THRB: variants seen among roughly 807,000 people sequenced by gnomAD.
THRB encodes the protein thyroid hormone receptor beta, also known as nuclear receptor subfamily 1 group A member 2.
In THRB, 12 loss-of-function variants were observed where a neutral mutation model predicts 47.8. The ratio of observed to expected loss-of-function variants is 0.25; its 90% CI spans 0.16 to 0.41. The LOEUF is 0.41. Ranked by LOEUF, THRB falls within the 10% of genes least tolerant of loss-of-function variation. THRB has a pLI of 1.00. For missense variants in THRB, 348 were observed against 589.2 expected, an observed-to-expected ratio of 0.59 and a Z score of 4.24; for synonymous variants, 218 against 212.2, an observed-to-expected ratio of 1.03 and a Z score of -0.24.
intron 4 of THRB, 118 bp from the exon 5 acceptor site, chr3:24,190,452 G>T: frequency 7.9e-7 from 1 of 1,259,078 alleles, no homozygotes. Context: ...GTATTCACAT[G>T]CCACTTGACG....
Position 24,435,190 on chromosome 3 carries a change from G to A in THRB, c.-261+59462C>T, listed in dbSNP as rs1012914413. 2.0e-5 allele frequency among the ~76,000 whole-genome samples: 3 copies of A among 152,232 alleles called. 1 individual carries two copies. The highest frequency in any genetic ancestry group is 7.2e-5 in the African/African-American group (3 of 41,550). ...GGTGTATGGCAGCATCACTGGCCAT[G>A]CCATGAAAAACAAGGATGGAGGAAG... is the stretch of plus-strand genomic sequence containing the variant. On this transcript the variant is annotated intron_variant, in intron 1 of 10. Coordinates refer to ENST00000646209, the MANE Select transcript of THRB (RefSeq NM_001354712.2).
intron 1 of THRB, among the ~76,000 whole-genome samples, chr3:24,456,325 A>T (rs2073170200): frequency 6.6e-6 from 1 of 150,978 alleles, no homozygotes; most frequent in African/African-American, 2.4e-5. Context: ...ACAGTGTGAG[A>T]CCCTGTCTAA....
intron 1 of THRB, among the ~76,000 whole-genome samples, chr3:24,403,180 C>A (rs2067556589): frequency 6.6e-6 from 1 of 151,850 alleles, no homozygotes; most frequent in Admixed American, 6.6e-5. Context: ...AGAATGGAAT[C>A]ATTTATGTAA....
intron 3 of THRB, among the ~76,000 whole-genome samples, chr3:24,279,848 G>A (rs1482879926): frequency 1.3e-5 from 2 of 152,096 alleles, no homozygotes; most frequent in Non-Finnish European, 2.9e-5. Context: ...CTTCAAGTAC[G>A]AGGAGTTCTT....
chr3:24,450,039 G>A (rs1021921502), intron 1 of THRB, among the ~76,000 whole-genome samples: 5 of 151,892 alleles, frequency 3.3e-5, no homozygotes, highest in Admixed American at 1.3e-4. Flanking sequence ...GGAGTTAGCC[G>A]GGAAGTAAAC....
At chr3:24,336,534 G>C (rs2062262335) in intron 2 of THRB, among the ~76,000 whole-genome samples, 2 of 152,170 alleles carry the variant, frequency 1.3e-5, no homozygotes, top group Non-Finnish European at 2.9e-5. Context: ...AAACTGTGTT[G>C]TTATAATAAT....
At chr3:24,134,908 A>G (rs1197060877) in intron 8 of THRB, among the ~76,000 whole-genome samples, 4 of 152,196 alleles carry the variant, frequency 2.6e-5, no homozygotes, top group African/African-American at 9.6e-5. Context: ...TGAGCAAAAT[A>G]GAATTCCTCA....
chr3:24,263,566 T>C (rs2052315095), intron 3 of THRB, among the ~76,000 whole-genome samples: 1 of 151,728 alleles, frequency 6.6e-6, no homozygotes, highest in Non-Finnish European at 1.5e-5. Flanking sequence ...ATACTGGAAA[T>C]GACTTAATGA....
chr3:24,294,854 A>C (rs1032241699), intron 3 of THRB, among the ~76,000 whole-genome samples: 1 of 152,244 alleles, frequency 6.6e-6, no homozygotes, highest in African/African-American at 2.4e-5. Context: ...ACTAGCAAGG[A>C]AACTTTCCCT....
intron 9 of THRB, among the ~76,000 whole-genome samples, chr3:24,133,112 C>A (rs1014591249): frequency 1.1e-4 from 17 of 152,290 alleles, no homozygotes; most frequent in Middle Eastern, 6.8e-3. Context: ...ATGGGCCTTA[C>A]ACGGACAAGC....
chr3:24,234,204 A>C (rs1031305750), intron 3 of THRB, among the ~76,000 whole-genome samples: 11 of 151,994 alleles, frequency 7.2e-5, no homozygotes, highest in African/African-American at 2.7e-4. Flanking sequence ...TAATTATATC[A>C]CTTGCCCCTC....
At chr3:24,366,627 T>G (rs1331113774) in intron 1 of THRB, among the ~76,000 whole-genome samples, 1 of 149,028 alleles carries the variant, frequency 6.7e-6, no homozygotes, top group Non-Finnish European at 1.5e-5. Flanking sequence ...CTCACTTTTT[T>G]TTTTTTTTTT....
chr3:24,169,418 G>A (rs942600399), intron 5 of THRB, among the ~76,000 whole-genome samples: 7 of 152,070 alleles, frequency 4.6e-5, no homozygotes, highest in East Asian at 1.9e-4. Flanking sequence ...TAGGGATTAC[G>A]GAAGAATGAT....
chr3:24,264,553 A>G (rs1385572318), intron 3 of THRB, among the ~76,000 whole-genome samples: 6 of 25,596 alleles, frequency 2.3e-4, no homozygotes, highest in African/African-American at 7.8e-4. Flanking sequence ...TATATGAAAA[A>G]TCACTTAGAC....
At chr3:24,210,980 C>T (rs572108863) in intron 4 of THRB, among the ~76,000 whole-genome samples, 44 of 152,004 alleles carry the variant, frequency 2.9e-4, no homozygotes, top group African/African-American at 1.1e-3. Context: ...GGGTGGAATA[C>T]CTGAGGTCAG....
At chr3:24,132,348 A>G (rs1176103281) in intron 9 of THRB, among the ~76,000 whole-genome samples, 1 of 152,194 alleles carries the variant, frequency 6.6e-6, no homozygotes, top group Non-Finnish European at 1.5e-5. Context: ...CCATTTGATT[A>G]AAAAAGAAGA....
intron 1 of THRB, among the ~76,000 whole-genome samples, chr3:24,371,203 A>G (rs967354887): frequency 2.0e-5 from 3 of 152,096 alleles, no homozygotes; most frequent in African/African-American, 7.2e-5. Context: ...AACTTAGCTT[A>G]AGATTAAAGC....
intron 5 of THRB, among the ~76,000 whole-genome samples, chr3:24,155,977 C>T (rs2683533): frequency 0.16 from 24,506 of 152,124 alleles, 2,164 homozygotes; most frequent in Admixed American, 0.28. Flanking sequence ...CTTGTCTGCT[C>T]AGATGTATTA....
intron 1 of THRB, among the ~76,000 whole-genome samples, chr3:24,343,922 A>G (rs1465062259): frequency 6.9e-6 from 1 of 144,178 alleles, no homozygotes; most frequent in African/African-American, 2.7e-5. Context: ...TTTATATATT[A>G]TATATTATTT....
Sources: allele counts gnomAD v4.1 joint callset (sites outside exome capture counted in the v4.1 genomes callset), GRCh38; gene constraint gnomAD v4.1.1; transcripts MANE v1.5; gene names NCBI Gene and HGNC (gene_info 2026-07-23, HGNC 2026-07-21).